The following UBR1 variants were observed in gnomAD, a reference collection of about 807,000 sequenced individuals.
The protein encoded by UBR1 is E3 ubiquitin-protein ligase UBR1.
UBR1 carries 102 observed loss-of-function variants against 242.1 expected under a neutral mutation model. That is an observed-to-expected ratio of 0.42 (90% CI 0.36 to 0.50). The LOEUF (loss-of-function observed/expected upper bound fraction) is 0.50, where lower values mean the gene tolerates loss of function less well. Ranked by LOEUF, UBR1 falls within the 20% of genes least tolerant of loss-of-function variation. UBR1 has a pLI of 0.01. For synonymous variants in UBR1, 675 were observed against 684.8 expected (o/e 0.99, Z 0.22); for missense variants, 1,772 against 2,101.8 (o/e 0.84, Z 3.07).
intron 17 of UBR1, 93 bp downstream of exon 17, chr15:43,037,680 A>G: frequency 9.8e-7 from 1 of 1,025,550 alleles, no homozygotes. Context: ...ACATACACTC[A>G]GTAAAATCTA....
At chr15:43,001,746 T>A (rs2032728373) in intron 32 of UBR1, among the ~76,000 whole-genome samples, 1 of 152,190 alleles carries the variant, frequency 6.6e-6, no homozygotes, top group Admixed American at 6.5e-5. Flanking sequence ...AAACTCAAAA[T>A]GCTTAAAACA....
At chr15:42,966,336 C>A in intron 40 of UBR1, 50 bp from the exon 41 acceptor site, 1 of 1,609,226 alleles carries the variant, frequency 6.2e-7, no homozygotes, top group African/African-American at 1.3e-5. Flanking sequence ...CAGACTAAAG[C>A]CCTAGATTTA....
intron 41 of UBR1, 120 bp downstream of exon 41, chr15:42,966,033 T>C (rs2032099976): frequency 2.1e-6 from 3 of 1,445,256 alleles, no homozygotes; most frequent in Non-Finnish European, 2.9e-6. Flanking sequence ...GGAACACACA[T>C]GAAAGAAATG....
chr15:43,038,156 A>G lies in UBR1; in HGVS notation c.1911+15T>C, dbSNP rs1269927937. 1.2e-6 allele frequency: 2 copies of G among 1,613,246 alleles called. No individual in the cohort carries two copies. Among genetic ancestry groups the G allele is most frequent in the Non-Finnish European group, 1.7e-6 (2 of 1,179,184 alleles). Reference sequence around the variant, plus strand: ...ACAGAATATAAGCAAATCAATACTTAGTAGAATCACTTACAAAAGACACAA... The same window carrying G: ...ACAGAATATAAGCAAATCAATACTTGGTAGAATCACTTACAAAAGACACAA... On this transcript the variant is annotated intron_variant, in intron 16 of 46. Coordinates refer to ENST00000290650, the MANE Select transcript of UBR1 (RefSeq NM_174916.3).
chr15:42,996,829 T>C (rs1200900163), intron 33 of UBR1, among the ~76,000 whole-genome samples: 1 of 152,132 alleles, frequency 6.6e-6, no homozygotes. Context: ...AAGACATAAA[T>C]ATTTTGAGTA....
At chr15:42,961,971 G>A (rs536969224) in intron 42 of UBR1, among the ~76,000 whole-genome samples, 3 of 135,584 alleles carry the variant, frequency 2.2e-5, no homozygotes, top group African/African-American at 8.3e-5. Flanking sequence ...TCACTATCTT[G>A]GCCAGGCTGG....
intron 3 of UBR1, among the ~76,000 whole-genome samples, chr15:43,077,227 G>A (rs920449652): frequency 6.6e-6 from 1 of 152,158 alleles, no homozygotes; most frequent in Non-Finnish European, 1.5e-5. Context: ...AGGGTGGGGA[G>A]GAAATTGAGA....
At chr15:43,050,747 G>T (rs2033545165) in intron 12 of UBR1, among the ~76,000 whole-genome samples, 2 of 150,536 alleles carry the variant, frequency 1.3e-5, no homozygotes, top group Non-Finnish European at 3.0e-5. Flanking sequence ...AAAAAGCGGG[G>T]CAGGGGAGCA....
At chr15:43,016,395 AATC>A (rs2033024153) in intron 28 of UBR1, among the ~76,000 whole-genome samples, 1 of 152,210 alleles carries the variant, frequency 6.6e-6, no homozygotes, top group Non-Finnish European at 1.5e-5. Flanking sequence ...CAAATTTTAG[AATC>A]ATCAAAACCT....
chr15:43,007,924 ACTTACAC>A (rs1466848012), intron 29 of UBR1, among the ~76,000 whole-genome samples: 3 of 152,186 alleles, frequency 2.0e-5, no homozygotes, highest in African/African-American at 7.2e-5. Flanking sequence ...AAACTAAAAA[ACTTACAC>A]CTTAATGATT....
intron 43 of UBR1, among the ~76,000 whole-genome samples, chr15:42,958,469 T>A (rs187063167): frequency 1.3e-3 from 193 of 152,248 alleles, no homozygotes; most frequent in African/African-American, 4.6e-3. Context: ...TCCCTGTCTG[T>A]AAACTAGGGA....
chr15:42,966,523 A>G (rs1210256460), intron 40 of UBR1, among the ~76,000 whole-genome samples: 1 of 152,048 alleles, frequency 6.6e-6, no homozygotes, highest in Non-Finnish European at 1.5e-5. Flanking sequence ...CCCAGTCTCT[A>G]CTGAATTAGC....
intron 25 of UBR1, among the ~76,000 whole-genome samples, chr15:43,023,994 T>C (rs1043621042): frequency 5.3e-5 from 8 of 152,216 alleles, no homozygotes; most frequent in Admixed American, 4.6e-4. Flanking sequence ...ATTATATCCA[T>C]ACAATGGACT....
chr15:43,041,641 G>A (rs2141321581), intron 15 of UBR1, among the ~76,000 whole-genome samples: 1 of 152,088 alleles, frequency 6.6e-6, no homozygotes, highest in Non-Finnish European at 1.5e-5. Flanking sequence ...GAGTTTTTTG[G>A]ATATGACACC....
At chr15:43,071,269 T>TCACAGCTTGTTTCCC (rs2033821479) in intron 4 of UBR1, among the ~76,000 whole-genome samples, 1 of 152,202 alleles carries the variant, frequency 6.6e-6, no homozygotes, top group Non-Finnish European at 1.5e-5. Context: ...AAGACTTTTC[T>TCACAGCTTGTTTCCC]CACAGCTTGT....
intron 44 of UBR1, among the ~76,000 whole-genome samples, chr15:42,956,596 G>T (rs1051391770): frequency 6.6e-6 from 1 of 152,218 alleles, no homozygotes; most frequent in Non-Finnish European, 1.5e-5. Context: ...AAAGTGCTGG[G>T]ATTACAGGCA....
intron 45 of UBR1, among the ~76,000 whole-genome samples, chr15:42,951,519 G>A (rs773924662): frequency 4.4e-4 from 67 of 152,214 alleles, no homozygotes; most frequent in African/African-American, 1.6e-3. Context: ...CACCGCGCCC[G>A]GCCATAAGTG....
chr15:43,047,963 C>CA (rs2033506592), intron 13 of UBR1, among the ~76,000 whole-genome samples: 1 of 152,104 alleles, frequency 6.6e-6, no homozygotes, highest in Non-Finnish European at 1.5e-5. Context: ...GTAATCCCAG[C>CA]ACCTTGGGAG....
At chr15:43,022,432 A>T (rs1361444925) in intron 26 of UBR1, among the ~76,000 whole-genome samples, 1 of 151,648 alleles carries the variant, frequency 6.6e-6, no homozygotes, top group East Asian at 1.9e-4. Context: ...CAATATATGC[A>T]ACCAAAAAAA....
Sources: gnomAD v4.1 joint callset for allele counts (sites outside exome capture counted in the v4.1 genomes callset) on GRCh38, gnomAD v4.1.1 for gene constraint, MANE v1.5 for transcripts, NCBI Gene and HGNC (gene_info 2026-07-23, HGNC 2026-07-21) for gene names.